The following LRRC49 variants were observed in gnomAD, a reference collection of about 807,000 sequenced individuals.
LRRC49 encodes leucine-rich repeat-containing protein 49.
In LRRC49, 50 loss-of-function variants were observed where a neutral mutation model predicts 83.3. That is an observed-to-expected ratio of 0.60 (90% CI 0.48 to 0.76). The LOEUF (loss-of-function observed/expected upper bound fraction) is 0.76, where lower values mean the gene tolerates loss of function less well. Among genes scored for constraint, LRRC49 ranks in the 30% least tolerant of loss-of-function variants. The pLI is 0.00. For synonymous variants in LRRC49, 286 were observed against 283.3 expected, an observed-to-expected ratio of 1.01 and a Z score of -0.10; for missense variants, 704 against 809.1, an observed-to-expected ratio of 0.87 and a Z score of 1.58.
intron 7 of LRRC49, among the ~76,000 whole-genome samples, chr15:70,932,164 G>A (rs527620848): frequency 6.6e-6 from 1 of 152,228 alleles, no homozygotes; most frequent in South Asian, 2.1e-4. Context: ...TGTGTAATGG[G>A]TAGTAAACAA....
intron 14 of LRRC49, among the ~76,000 whole-genome samples, chr15:71,031,979 A>C (rs2039370378): frequency 6.6e-6 from 1 of 152,156 alleles, no homozygotes; most frequent in Admixed American, 6.5e-5. Context: ...TCCTGGCTTC[A>C]GACCGCTTTC....
chr15:70,862,727 C>T (rs572695220), intron 1 of LRRC49, among the ~76,000 whole-genome samples: 19 of 152,080 alleles, frequency 1.2e-4, no homozygotes, highest in African/African-American at 3.9e-4. Context: ...CCTCTGTGTT[C>T]GGTCTTTCAA....
chr15:70,950,520 T>C (rs1157132625), intron 8 of LRRC49, among the ~76,000 whole-genome samples: 1 of 152,208 alleles, frequency 6.6e-6, no homozygotes, highest in Non-Finnish European at 1.5e-5. Flanking sequence ...AGTGATGATA[T>C]GAGCATTTTT....
intron 5 of LRRC49, among the ~76,000 whole-genome samples, chr15:70,910,359 ATAC>A (rs2034500420): frequency 6.6e-6 from 1 of 152,160 alleles, no homozygotes; most frequent in Non-Finnish European, 1.5e-5. Flanking sequence ...ATGTATGTAT[ATAC>A]ATACACACTA....
rs2036690892 is a variant in LRRC49 at position 70,963,707 on chromosome 15, T to TA, written c.774-73dup. On this transcript the variant is annotated intron_variant, in intron 8 of 15. Transcript: ENST00000260382. ...TTTTTCTGTAAATCTAAAACTGTGC[T>TA]AAAAATAAAGTCTATTAAAAATGAA... 23 of 1,478,548 alleles carry TA rather than the reference T, an allele frequency of 1.6e-5. 1 individual carries two copies. The South Asian group carries it at 2.9e-4, about 19-fold the overall frequency. The allele number at this position is 1,478,548 out of a possible 1,614,324, so 91.6% of individuals were successfully genotyped here.
chr15:70,902,000 T>C (rs554236091), intron 4 of LRRC49, among the ~76,000 whole-genome samples: 1 of 152,284 alleles, frequency 6.6e-6, no homozygotes, highest in South Asian at 2.1e-4. Flanking sequence ...CAACAAATTA[T>C]AATGAACTAT....
chr15:70,880,481 A>C (rs577942673), intron 2 of LRRC49, among the ~76,000 whole-genome samples: 1 of 152,326 alleles, frequency 6.6e-6, no homozygotes, highest in East Asian at 1.9e-4. Context: ...GGGAGGTACT[A>C]AGGTAAATAT....
chr15:70,939,856 T>TG lies in LRRC49; in HGVS notation c.773+3034_773+3035insG, dbSNP rs1369284876. On this transcript the variant is annotated intron_variant, in intron 8 of 15. Coordinates refer to ENST00000260382, the MANE Select transcript of LRRC49 (RefSeq NM_017691.5). Reference sequence around the variant, plus strand: ...GAAAATTTTAAACTAGGTTTTTTTTTTTTTTTTTTTTTAGGAAGGAATGCT... The same window carrying TG: ...GAAAATTTTAAACTAGGTTTTTTTTTGTTTTTTTTTTTTAGGAAGGAATGCT... 2.9e-4 allele frequency among the ~76,000 whole-genome samples: 44 copies of TG among 151,344 alleles called. 1 individual carries two copies. Among genetic ancestry groups the TG allele is most frequent in the African/African-American group, 1.0e-3 (42 of 41,294 alleles).
chr15:70,904,718 C>A lies in LRRC49; in HGVS notation c.463C>A (p.Leu155Met). The A allele has an allele frequency of 6.2e-7, 1 of 1,613,580 alleles. No individual in the cohort carries two copies. The highest frequency in any genetic ancestry group is 1.1e-5 in the South Asian group (1 of 91,014). The change falls in exon 5 of 16, where the codon CTG becomes ATG. Residue 155 changes from leucine to methionine, a missense_variant. By Grantham distance (15) the Leu-to-Met change is conservative (BLOSUM62 2). Around this residue, in one of 3 missense-constraint regions of LRRC49, gnomAD observed 261 missense variants for 330.5 expected, o/e 0.79. Coordinates refer to ENST00000260382, the MANE Select transcript of LRRC49 (RefSeq NM_017691.5). ...TGAAGAAATTAGTGGGCTTTCGACT[C>A]TGAGATGTCTTCGTGTCCTTCTGTT... is the stretch of plus-strand genomic sequence containing the variant. Reference protein sequence around the residue: ...QIEEISGLSTLRCLRVLLLGK... With the variant: ...QIEEISGLSTMRCLRVLLLGK...
intron 13 of LRRC49, among the ~76,000 whole-genome samples, chr15:71,011,400 G>T (rs528884081): frequency 6.6e-6 from 1 of 152,114 alleles, no homozygotes; most frequent in East Asian, 1.9e-4. Context: ...ATCAAACTTT[G>T]AATCAGGAAG....
chr15:70,889,054 T>C (rs2033483097), upstream of LRRC49, among the ~76,000 whole-genome samples: 2 of 152,114 alleles, frequency 1.3e-5, no homozygotes, highest in Admixed American at 1.3e-4. Context: ...TCTACTGAAG[T>C]TTAATGTAAT....
At chr15:70,977,107 A>G (rs146383543) in intron 9 of LRRC49, among the ~76,000 whole-genome samples, 2 of 152,302 alleles carry the variant, frequency 1.3e-5, no homozygotes, top group Admixed American at 1.3e-4. Context: ...TGAAAAAACA[A>G]TCTGTTTCTA....
intron 14 of LRRC49, among the ~76,000 whole-genome samples, chr15:71,022,731 A>G (rs531781979): frequency 3.3e-5 from 5 of 152,338 alleles, no homozygotes; most frequent in African/African-American, 1.2e-4. Context: ...CACAATTACA[A>G]TTAGTGGAAA....
chr15:71,042,451 A>G (rs1297769849), intron 15 of LRRC49, among the ~76,000 whole-genome samples: 12 of 152,130 alleles, frequency 7.9e-5, no homozygotes, highest in Admixed American at 7.9e-4. Context: ...AGAAACACTA[A>G]TCTAACAATC....
At chr15:70,938,027 T>C (rs932222657) in intron 8 of LRRC49, among the ~76,000 whole-genome samples, 16 of 152,148 alleles carry the variant, frequency 1.1e-4, no homozygotes, top group South Asian at 4.1e-4. Context: ...TTTTACAATA[T>C]GCAAAATATT....
At chr15:70,914,296 G>T (rs950574193) in intron 6 of LRRC49, among the ~76,000 whole-genome samples, 5 of 152,084 alleles carry the variant, frequency 3.3e-5, no homozygotes, top group African/African-American at 1.2e-4. Context: ...TTATAGTAAA[G>T]AAGCTAAAAG....
upstream of LRRC49, among the ~76,000 whole-genome samples, chr15:70,890,745 T>C (rs1378831515): frequency 3.3e-5 from 5 of 152,188 alleles, no homozygotes; most frequent in East Asian, 9.6e-4. Flanking sequence ...GGGAGGGGCA[T>C]AGTTCCAGGA....
chr15:71,035,971 A>C (rs533430238), intron 14 of LRRC49, among the ~76,000 whole-genome samples: 61 of 152,124 alleles, frequency 4.0e-4, no homozygotes, highest in Non-Finnish European at 7.9e-4. Flanking sequence ...AGTGTAAAAG[A>C]ACTCCTATTC....
intron 8 of LRRC49, among the ~76,000 whole-genome samples, chr15:70,938,253 T>C (rs1056032570): frequency 6.6e-6 from 1 of 152,100 alleles, no homozygotes; most frequent in Non-Finnish European, 1.5e-5. Flanking sequence ...TCTGGGAAGT[T>C]TTCTTCCCAA....
Sources: gnomAD v4.1 joint callset for allele counts (sites outside exome capture counted in the v4.1 genomes callset) on GRCh38, gnomAD v4.1.1 for gene constraint, gnomAD v4.1.1 regional missense constraint, MANE v1.5 for transcripts, NCBI Gene and HGNC (gene_info 2026-07-23, HGNC 2026-07-21) for gene names.